OR3A2: variants seen among roughly 807,000 people sequenced by gnomAD.
OR3A2 encodes olfactory receptor family 3 subfamily A member 2, also known as olfactory receptor 3A2.
For synonymous variants in OR3A2, 126 were observed against 159.3 expected (o/e 0.79, Z 1.57); for missense variants, 318 against 392.8 (o/e 0.81, Z 1.61).
At chr17:3,324,378 C>T (rs1352010133) in intron 3 of OR3A2, among the ~76,000 whole-genome samples, 1 of 152,072 alleles carries the variant, frequency 6.6e-6, no homozygotes, top group Non-Finnish European at 1.5e-5. Flanking sequence ...CATTCTCCGT[C>T]CAGCTTTGTT....
chr17:3,380,652 G>C (rs1169295367), intron 2 of OR3A2, among the ~76,000 whole-genome samples: 1 of 152,202 alleles, frequency 6.6e-6, no homozygotes, highest in Non-Finnish European at 1.5e-5. Flanking sequence ...GAGGAGAAGA[G>C]ATCCTTGGAA....
intron 2 of OR3A2, chr17:3,377,649 G>C (rs2049695635): frequency 6.6e-6 from 1 of 152,462 alleles, no homozygotes; most frequent in South Asian, 2.1e-4. Flanking sequence ...TGACCAGGGA[G>C]ATGACACCAA....
chr17:3,328,868 T>A (rs965990687), intron 3 of OR3A2, among the ~76,000 whole-genome samples: 26 of 149,216 alleles, frequency 1.7e-4, no homozygotes, highest in Admixed American at 1.1e-3. Flanking sequence ...ATTTATTGAT[T>A]TGCGAAAATA....
At chr17:3,348,573 C>T (rs139731172) in intron 2 of OR3A2, among the ~76,000 whole-genome samples, 11,772 of 152,070 alleles carry the variant, frequency 0.077, 1,014 homozygotes, top group East Asian at 0.48. Context: ...CTGAAAGTGA[C>T]GGGGAGAATG....
At chr17:3,353,348 T>C (rs908671782) in intron 2 of OR3A2, among the ~76,000 whole-genome samples, 1 of 150,560 alleles carries the variant, frequency 6.6e-6, no homozygotes, top group Non-Finnish European at 1.5e-5. Context: ...TGTCCTTTTA[T>C]ATGTTTCTCT....
intron 3 of OR3A2, among the ~76,000 whole-genome samples, chr17:3,332,168 G>T (rs1325383443): frequency 7.2e-5 from 11 of 152,214 alleles, no homozygotes; most frequent in Admixed American, 7.2e-4. Context: ...CTGACTTTTT[G>T]TCTGTGCCCT....
intron 2 of OR3A2, among the ~76,000 whole-genome samples, chr17:3,366,663 T>TCA (rs748237598): frequency 5.3e-5 from 8 of 152,170 alleles, no homozygotes; most frequent in African/African-American, 9.7e-5. Flanking sequence ...TCTCAGTTTT[T>TCA]CACACACACA....
chr17:3,362,728 A>C (rs230472), intron 2 of OR3A2, among the ~76,000 whole-genome samples: 101,556 of 151,274 alleles, frequency 0.67, 35,567 homozygotes, highest in East Asian at 1. Context: ...TCAGCACTCC[A>C]CTAGCAGAGG....
intron 3 of OR3A2, chr17:3,310,204 C>G (rs976046202): frequency 1.2e-5 from 5 of 432,022 alleles, no homozygotes; most frequent in Non-Finnish European, 2.3e-5. Context: ...CTGTCCTGGA[C>G]ATTGCTATCA....
chr17:3,339,396 G>A (rs537165686), intron 2 of OR3A2, among the ~76,000 whole-genome samples: 1 of 152,264 alleles, frequency 6.6e-6, no homozygotes, highest in East Asian at 1.9e-4. Flanking sequence ...AATGATACTG[G>A]CTGTGGGTTT....
At chr17:3,289,090 G>A (rs1398773394), upstream of OR3A2, among the ~76,000 whole-genome samples, 1 of 151,914 alleles carries the variant, frequency 6.6e-6, no homozygotes, top group African/African-American at 2.4e-5. Context: ...TTTGAATGTG[G>A]GTGTGTTTGT....
At chr17:3,283,462 T>C (rs1344641163) in intron 1 of OR3A2, among the ~76,000 whole-genome samples, 1 of 152,166 alleles carries the variant, frequency 6.6e-6, no homozygotes, top group South Asian at 2.1e-4. Flanking sequence ...TGACCTCAGG[T>C]GATCCGCCCA....
chr17:3,324,322 G>T (rs930038668), intron 3 of OR3A2, among the ~76,000 whole-genome samples: 2 of 151,914 alleles, frequency 1.3e-5, no homozygotes. Flanking sequence ...CTGTAGCTTG[G>T]AGTAATTTGA....
intron 1 of OR3A2, 76 bp downstream of exon 1, chr17:3,386,049 G>A (rs1350280973): frequency 1.0e-5 from 4 of 398,596 alleles, no homozygotes; most frequent in Non-Finnish European, 1.8e-5. Context: ...TCAACGCCCT[G>A]AGCAACCTGA....
chr17:3,276,672 A>C (rs2048737354), downstream of OR3A2, among the ~76,000 whole-genome samples: 1 of 152,190 alleles, frequency 6.6e-6, no homozygotes, highest in East Asian at 1.9e-4. Flanking sequence ...TTGGAGGAGA[A>C]GGTTATATTG....
At chr17:3,361,912 A>G (rs1399171210) in intron 2 of OR3A2, among the ~76,000 whole-genome samples, 3 of 151,662 alleles carry the variant, frequency 2.0e-5, no homozygotes, top group Non-Finnish European at 4.4e-5. Flanking sequence ...CTTTGGTATC[A>G]GGATGATGCT....
rs190983841 is a variant in OR3A2 at position 3,304,701 on chromosome 17, T to A, written c.-84-25548A>T. Among the ~76,000 whole-genome samples the A allele has an allele frequency of 8.5e-4, 130 of 152,338 alleles. 3 individuals carry two copies. In the South Asian group the frequency reaches 0.013, roughly 15 times the overall value. On this transcript the variant is annotated intron_variant, in intron 3 of 4. Coordinates refer to the OR3A2 transcript ENST00000573491. ...TTAAACAGAACAAAAAACAGAAATA[T>A]TGACAAAGCTTTGGTCCTCCCTTCC...
intron 3 of OR3A2, among the ~76,000 whole-genome samples, chr17:3,299,313 T>G (rs1443811077): frequency 6.6e-6 from 1 of 152,124 alleles, no homozygotes; most frequent in Non-Finnish European, 1.5e-5. Context: ...GGGAGAAGCT[T>G]TCTCCAACCT....
chr17:3,347,814 C>G (rs563864903), intron 2 of OR3A2, among the ~76,000 whole-genome samples: 1 of 152,320 alleles, frequency 6.6e-6, no homozygotes, highest in South Asian at 2.1e-4. Context: ...CCTGAGGAAT[C>G]GTCACACTGA....
Sources: allele counts gnomAD v4.1 joint callset (sites outside exome capture counted in the v4.1 genomes callset), GRCh38; gene constraint gnomAD v4.1.1; transcripts MANE v1.5; gene names NCBI Gene and HGNC (gene_info 2026-07-23, HGNC 2026-07-21).